The following ZNF423 variants were observed in gnomAD, a reference collection of about 807,000 sequenced individuals.
ZNF423 encodes zinc finger protein 423, also known as Ebf-associated zinc finger protein.
In ZNF423, 12 loss-of-function variants were observed where a neutral mutation model predicts 95.8. That is an observed-to-expected ratio of 0.13 (90% CI 0.08 to 0.20). The LOEUF is 0.20. Ranked by LOEUF, ZNF423 falls within the 10% of genes least tolerant of loss-of-function variation. The pLI, the probability that ZNF423 is intolerant of heterozygous loss-of-function variation, is 1.00. For missense variants in ZNF423, 1,316 were observed against 1,737.1 expected, an observed-to-expected ratio of 0.76 and a Z score of 4.31; for synonymous variants, 749 against 711.9, an observed-to-expected ratio of 1.05 and a Z score of -0.83.
intron 5 of ZNF423, among the ~76,000 whole-genome samples, chr16:49,557,325 G>A (rs938414467): frequency 5.9e-5 from 9 of 152,316 alleles, no homozygotes; most frequent in Admixed American, 3.9e-4. Context: ...GGCAGACGCC[G>A]CAGCCCCTGC....
At chr16:49,683,835 T>C (rs1707277751) in intron 3 of ZNF423, among the ~76,000 whole-genome samples, 1 of 152,152 alleles carries the variant, frequency 6.6e-6, no homozygotes, top group African/African-American at 2.4e-5. Flanking sequence ...CCCAGCACTT[T>C]GGGAGGCTGA....
chr16:49,783,359 G>A (rs1213737780), intron 2 of ZNF423, among the ~76,000 whole-genome samples: 1 of 149,508 alleles, frequency 6.7e-6, no homozygotes, highest in African/African-American at 2.5e-5. Context: ...TTAGGGTTAG[G>A]GTTAGTAGCA....
chr16:49,858,727 C>G (rs1015846319), upstream of ZNF423, among the ~76,000 whole-genome samples: 2 of 140,674 alleles, frequency 1.4e-5, no homozygotes, highest in Non-Finnish European at 3.2e-5. This position sits in a 1 kb window ranked among gnomAD's most constrained non-coding sequence, Gnocchi z 4.3. Context: ...GCCCCCCCCC[C>G]CACGCCCCCG....
chr16:49,761,621 C>A (rs1396679925), intron 2 of ZNF423, among the ~76,000 whole-genome samples: 1 of 152,190 alleles, frequency 6.6e-6, no homozygotes, highest in South Asian at 2.1e-4. Context: ...CAGCAACATG[C>A]GTGCGTATGG....
chr16:49,516,301 C>T (rs1968142138), intron 7 of ZNF423, among the ~76,000 whole-genome samples: 1 of 152,206 alleles, frequency 6.6e-6, no homozygotes, highest in African/African-American at 2.4e-5. Context: ...TTTGTTCAAA[C>T]TCAGGCTGGA....
At chr16:49,569,175 C>G (rs964365307) in intron 5 of ZNF423, among the ~76,000 whole-genome samples, 1 of 152,204 alleles carries the variant, frequency 6.6e-6, no homozygotes, top group African/African-American at 2.4e-5. Context: ...CTTTTCCCTC[C>G]TGGATGACAA....
intron 7 of ZNF423, among the ~76,000 whole-genome samples, chr16:49,506,215 G>C (rs1967630591): frequency 6.6e-6 from 1 of 152,194 alleles, no homozygotes; most frequent in Non-Finnish European, 1.5e-5. Context: ...GGGTGATGAT[G>C]GTGAAAGAAC....
intron 5 of ZNF423, among the ~76,000 whole-genome samples, chr16:49,616,312 A>G (rs956432306): frequency 8.5e-5 from 13 of 152,194 alleles, no homozygotes; most frequent in Admixed American, 8.5e-4. Context: ...AGTGATGGTC[A>G]GCAGATGCTA....
intron 3 of ZNF423, among the ~76,000 whole-genome samples, chr16:49,715,342 A>T (rs2032672402): frequency 6.6e-6 from 1 of 152,316 alleles, no homozygotes; most frequent in East Asian, 1.9e-4. Context: ...GAGACACAGA[A>T]GGAAGTGAGA....
intron 3 of ZNF423, among the ~76,000 whole-genome samples, chr16:49,669,002 CAG>C (rs1399235891): frequency 6.6e-6 from 1 of 152,152 alleles, no homozygotes; most frequent in Non-Finnish European, 1.5e-5. Flanking sequence ...TTAGTAAGCA[CAG>C]AGAGTGGGGA....
At chr16:49,531,599 G>C (rs1428042203) in intron 5 of ZNF423, among the ~76,000 whole-genome samples, 1 of 152,150 alleles carries the variant, frequency 6.6e-6, no homozygotes, top group Non-Finnish European at 1.5e-5. Flanking sequence ...ATAATATCTG[G>C]GCAGCCAGAT....
chr16:49,637,115 C>T lies in ZNF423; in HGVS notation c.2061G>A (p.Gln687=), dbSNP rs750345509. ...EDFDSQESLL[Q]HLTVHYMTTS... is the part of the protein sequence containing the mutation. Reference sequence around the variant, plus strand: ...TGGTCATGTAATGCACTGTCAGGTGCTGCAGGAGGGACTCCTGGGAGTCAA... The same window carrying T: ...TGGTCATGTAATGCACTGTCAGGTGTTGCAGGAGGGACTCCTGGGAGTCAA... Residue 687 remains glutamine (Q), a synonymous_variant, in exon 4 of 8, where the codon CAG becomes CAA. Coordinates refer to ENST00000563137, the MANE Select transcript of ZNF423 (RefSeq NM_001379286.1). This position sits in a 1 kb window ranked among gnomAD's most constrained non-coding sequence, Gnocchi z 5.6. 1.2e-6 allele frequency: 2 copies of T among 1,613,580 alleles called. No homozygotes were observed. Among genetic ancestry groups the T allele is most frequent in the South Asian group, 2.2e-5 (2 of 91,078 alleles).
intron 2 of ZNF423, among the ~76,000 whole-genome samples, chr16:49,735,983 G>T (rs546442524): frequency 7.9e-5 from 12 of 152,144 alleles, no homozygotes; most frequent in Admixed American, 5.2e-4. Flanking sequence ...ATGGATAGCC[G>T]ACCTTCTCGC....
chr16:49,632,627 G>A (rs1233163693), intron 4 of ZNF423, among the ~76,000 whole-genome samples: 1 of 152,106 alleles, frequency 6.6e-6, no homozygotes, highest in South Asian at 2.1e-4. Flanking sequence ...GCACAGCCGC[G>A]CACAGCTGTG....
At chr16:49,848,816 G>A (rs2035272480) in intron 1 of ZNF423, among the ~76,000 whole-genome samples, 1 of 152,174 alleles carries the variant, frequency 6.6e-6, no homozygotes, top group South Asian at 2.1e-4. Context: ...ATGGATCCCT[G>A]TCATCTGGAG....
chr16:49,531,047 G>A (rs1968824665), intron 5 of ZNF423, among the ~76,000 whole-genome samples: 2 of 152,226 alleles, frequency 1.3e-5, no homozygotes, highest in South Asian at 2.1e-4. Context: ...CAGCACAAGC[G>A]CCGGTTGGCA....
chr16:49,702,318 G>T (rs2032207299), intron 3 of ZNF423, among the ~76,000 whole-genome samples: 1 of 152,232 alleles, frequency 6.6e-6, no homozygotes, highest in Non-Finnish European at 1.5e-5. Context: ...GGCCAAGGCA[G>T]CCAGGGACGG....
chr16:49,529,948 C>T (rs1205586206), intron 5 of ZNF423, among the ~76,000 whole-genome samples: 1 of 152,080 alleles, frequency 6.6e-6, no homozygotes, highest in Non-Finnish European at 1.5e-5. Context: ...CATTAATGCA[C>T]ACACCTGTCT....
Position 49,721,392 on chromosome 16 carries a change from G to C in ZNF423, c.301+9379C>G, listed in dbSNP as rs959431648. 2.6e-5 allele frequency among the ~76,000 whole-genome samples: 4 copies of C among 152,062 alleles called. No homozygotes were observed. In the East Asian group the frequency reaches 5.8e-4, roughly 22 times the overall value. On this transcript the variant is annotated intron_variant, in intron 3 of 7. Transcript: ENST00000563137. The stretch of plus-strand genomic sequence containing the variant: ...GTATGGTATCACTGCTTGCTGACAG[G>C]TGCCCTCTGGAAACTCCCAAGATGA...
Sources: allele counts gnomAD v4.1 joint callset (sites outside exome capture counted in the v4.1 genomes callset), GRCh38; gene constraint gnomAD v4.1.1; non-coding constraint Gnocchi (gnomAD v3.1); transcripts MANE v1.5; gene names NCBI Gene and HGNC (gene_info 2026-07-23, HGNC 2026-07-21).